The following SHISA9 variants were observed in gnomAD, a reference collection of about 807,000 sequenced individuals.
SHISA9 encodes protein shisa-9.
In SHISA9, 13 loss-of-function variants were observed where a neutral mutation model predicts 38.0. That is an observed-to-expected ratio of 0.34 (90% confidence interval 0.22 to 0.54). The LOEUF (loss-of-function observed/expected upper bound fraction) is 0.54. Among genes scored for constraint, SHISA9 ranks in the 20% least tolerant of loss-of-function variants. SHISA9 has a pLI of 0.91. For synonymous variants in SHISA9, 275 were observed against 242.0 expected (o/e 1.14, Z -1.27); for missense variants, 538 against 575.8 (o/e 0.93, Z 0.67).
chr16:12,908,131 A>ATGGCT (rs1555499434), intron 1 of SHISA9, among the ~76,000 whole-genome samples: 1 of 151,988 alleles, frequency 6.6e-6, no homozygotes, highest in Admixed American at 6.6e-5. Context: ...GACCTGTCAC[A>ATGGCT]ACTATTACCC....
chr16:13,229,773 T>A (rs1191044250), intron 4 of SHISA9, among the ~76,000 whole-genome samples: 1 of 152,134 alleles, frequency 6.6e-6, no homozygotes, highest in African/African-American at 2.4e-5. Context: ...GTAGTCAGTG[T>A]TATGATGGAG....
At chr16:13,006,076 A>G (rs927561866) in intron 2 of SHISA9, among the ~76,000 whole-genome samples, 4 of 152,194 alleles carry the variant, frequency 2.6e-5, no homozygotes, top group Non-Finnish European at 4.4e-5. Flanking sequence ...GCACACACAC[A>G]CGCGCACACT....
the SHISA9 span, among the ~76,000 whole-genome samples, chr16:13,261,135 G>C: frequency 6.6e-6 from 1 of 152,162 alleles, no homozygotes; most frequent in African/African-American, 2.4e-5. Context: ...TTCAAGTTGA[G>C]ATTTGGGCGG....
rs551412847 is a variant in SHISA9 at position 12,918,443 on chromosome 16, G to A, written c.691+1628G>A. ...TTTCCCTTGAAGTTCCAATCTCTAG[G>A]ATGATTTTTGAATCAGCACTCAAAT... On this transcript the variant is annotated intron_variant, in intron 2 of 4. Coordinates refer to ENST00000558583, the MANE Select transcript of SHISA9 (RefSeq NM_001145204.3). 6.2e-4 allele frequency among the ~76,000 whole-genome samples: 94 copies of A among 152,286 alleles called. 1 individual carries two copies. Among genetic ancestry groups the A allele is most frequent in the African/African-American group, 2.1e-3 (88 of 41,552 alleles).
chr16:13,148,924 C>G (rs1297453280), intron 2 of SHISA9, among the ~76,000 whole-genome samples: 3 of 152,122 alleles, frequency 2.0e-5, no homozygotes, highest in African/African-American at 7.2e-5. Flanking sequence ...ATTCCATGCT[C>G]AAGCAGCTTC....
At chr16:13,413,219 G>A in the SHISA9 span, among the ~76,000 whole-genome samples, 1 of 152,140 alleles carries the variant, frequency 6.6e-6, no homozygotes, top group Non-Finnish European at 1.5e-5. Context: ...ATGGAACTTG[G>A]AGAAAAATTC....
At chr16:13,010,696 T>A (rs898369911) in intron 2 of SHISA9, among the ~76,000 whole-genome samples, 1 of 150,070 alleles carries the variant, frequency 6.7e-6, no homozygotes, top group African/African-American at 2.4e-5. Context: ...TTCTTGCCTG[T>A]AATCCAGCAC....
the SHISA9 span, among the ~76,000 whole-genome samples, chr16:13,246,010 A>T: frequency 6.6e-6 from 1 of 152,172 alleles, no homozygotes; most frequent in East Asian, 1.9e-4. Context: ...CAAGATCCCA[A>T]TTACAAACCT....
At chr16:13,230,549 G>A (rs1016476051) in intron 4 of SHISA9, among the ~76,000 whole-genome samples, 4 of 152,134 alleles carry the variant, frequency 2.6e-5, no homozygotes, top group Non-Finnish European at 4.4e-5. Flanking sequence ...AGATAAGGAA[G>A]AGGCTGAAGA....
chr16:13,492,439 G>A, the SHISA9 span, among the ~76,000 whole-genome samples: 5 of 152,280 alleles, frequency 3.3e-5, no homozygotes, highest in South Asian at 2.1e-4. Context: ...AAATCAAAGC[G>A]GGGAAACAAA....
chr16:13,402,418 G>T, the SHISA9 span, among the ~76,000 whole-genome samples: 192 of 152,226 alleles, frequency 1.3e-3, no homozygotes, highest in African/African-American at 4.4e-3. Context: ...ACATTTCTGT[G>T]CCAGAAGAGA....
chr16:13,501,546 A>T, the SHISA9 span, among the ~76,000 whole-genome samples: 1 of 152,134 alleles, frequency 6.6e-6, no homozygotes, highest in Non-Finnish European at 1.5e-5. Context: ...TTACAGCAAT[A>T]TTCTCCATTT....
chr16:13,159,992 G>A (rs577177398), intron 2 of SHISA9, among the ~76,000 whole-genome samples: 1 of 152,364 alleles, frequency 6.6e-6, no homozygotes, highest in East Asian at 1.9e-4. Context: ...TCTGGTAGAG[G>A]AAAGCGAAAA....
the SHISA9 span, among the ~76,000 whole-genome samples, chr16:13,365,835 G>A: frequency 2.0e-5 from 3 of 152,226 alleles, no homozygotes; most frequent in Admixed American, 6.5e-5. Context: ...ATTGTTGGAC[G>A]TGGAGGTGGA....
rs773177961 is a variant in SHISA9 at position 13,235,058 on chromosome 16, C to G, written c.924C>G (p.Thr308=). Residue 308 remains threonine, a synonymous_variant, in exon 5 of 5, where the codon ACC becomes ACG. Coordinates refer to ENST00000558583, the MANE Select transcript of SHISA9 (RefSeq NM_001145204.3). ...ACAAGGTCAATGACGACTTCTACAC[C>G]AAGCGACGGCACCTGGCTGAGCTGG... is the stretch of plus-strand genomic sequence containing the variant. ...KADKVNDDFY[T]KRRHLAELAA... 9.2e-5 allele frequency: 142 copies of G among 1,550,890 alleles called. No individual in the cohort carries two copies. The highest frequency in any genetic ancestry group is 1.2e-4 in the Non-Finnish European group (133 of 1,146,756).
intron 2 of SHISA9, among the ~76,000 whole-genome samples, chr16:12,953,628 C>G (rs1334050645): frequency 6.6e-6 from 1 of 152,186 alleles, no homozygotes; most frequent in Non-Finnish European, 1.5e-5. Context: ...CAAGTAGAGA[C>G]AGCCTTGGGG....
At chr16:13,500,845 A>G in the SHISA9 span, among the ~76,000 whole-genome samples, 7 of 152,244 alleles carry the variant, frequency 4.6e-5, no homozygotes, top group African/African-American at 1.7e-4. Context: ...GCACCAAGAC[A>G]TATGAACTAG....
At position 13,018,516 on chromosome 16, in the gene SHISA9, T is replaced by C. The variant is rs1361696151; in HGVS notation, c.691+101701T>C. The stretch of plus-strand genomic sequence containing the variant: ...TTACAAGCTGTAACTTTGAGCAAGA[T>C]GTGGGAAGAGGCGAAGGTTCCATCG... On this transcript the variant is annotated intron_variant, in intron 2 of 4. Coordinates refer to ENST00000558583, the MANE Select transcript of SHISA9 (RefSeq NM_001145204.3). 2.0e-5 allele frequency among the ~76,000 whole-genome samples: 3 copies of C among 152,134 alleles called. No homozygotes were observed. In the East Asian group the frequency reaches 5.8e-4, roughly 29 times the overall value.
intron 3 of SHISA9, among the ~76,000 whole-genome samples, chr16:13,208,544 C>T (rs2051089348): frequency 6.7e-6 from 1 of 149,950 alleles, no homozygotes; most frequent in East Asian, 2.0e-4. Context: ...TGGGTTCAAG[C>T]GATTCTCCTA....
Sources: gnomAD v4.1 joint callset for allele counts (sites outside exome capture counted in the v4.1 genomes callset) on GRCh38, gnomAD v4.1.1 for gene constraint, MANE v1.5 for transcripts, NCBI Gene and HGNC (gene_info 2026-07-23, HGNC 2026-07-21) for gene names.